Variants in GAS7 observed in about 807,000 individuals in gnomAD.
GAS7 encodes the protein growth arrest-specific protein 7.
Under a neutral mutation model 71.1 loss-of-function variants are expected in GAS7, and 28 were observed. That is an observed-to-expected ratio of 0.39 (90% CI 0.29 to 0.54). GAS7 has a LOEUF of 0.54. GAS7 is among the 20% of genes least tolerant of loss of function. The pLI, the probability that GAS7 is intolerant of heterozygous loss-of-function variation, is 0.62. For synonymous variants in GAS7, 258 were observed against 245.8 expected (o/e 1.05, Z -0.46); for missense variants, 436 against 627.8 (o/e 0.69, Z 3.27).
intron 11 of GAS7, among the ~76,000 whole-genome samples, chr17:9,924,468 G>T (rs906749620): frequency 2.6e-5 from 4 of 152,014 alleles, no homozygotes; most frequent in Middle Eastern, 6.8e-3. Context: ...CACTGCACCT[G>T]GCCTATAAGT....
chr17:9,968,493 C>T lies in GAS7; in HGVS notation c.471+1184G>A, dbSNP rs1397338340. ...CATACACTGAGGTTCAAATTCTTTTCCAGAGTTAACTGAACTGAATCGAAG... is the reference window on the plus strand; with the variant it reads ...CATACACTGAGGTTCAAATTCTTTTTCAGAGTTAACTGAACTGAATCGAAG... On this transcript the variant is annotated intron_variant, in intron 4 of 13. Coordinates refer to ENST00000432992, the MANE Select transcript of GAS7 (RefSeq NM_201433.2). 2.6e-5 allele frequency among the ~76,000 whole-genome samples: 4 copies of T among 152,308 alleles called. No individual in the cohort carries two copies. In the South Asian group the frequency reaches 8.3e-4, roughly 32 times the overall value.
Position 10,019,511 on chromosome 17 carries a change from C to T in GAS7, c.304+266G>A, listed in dbSNP as rs189601374. ...GAACAGGTTGGGTTTAACACAGATA[C>T]CCAGGGTGGACGTCAGGGTCCAAGG... On this transcript the variant is annotated intron_variant, in intron 2 of 13. Coordinates refer to ENST00000432992, the MANE Select transcript of GAS7 (RefSeq NM_201433.2). Among the ~76,000 whole-genome samples the T allele has an allele frequency of 1.3e-3, 202 of 152,190 alleles. 2 individuals carry two copies. The highest frequency in any genetic ancestry group is 4.7e-3 in the African/African-American group (195 of 41,516).
intron 1 of GAS7, among the ~76,000 whole-genome samples, chr17:10,189,084 G>T (rs942563735): frequency 1.3e-5 from 2 of 152,006 alleles, no homozygotes; most frequent in Non-Finnish European, 2.9e-5. Context: ...ATTTGTATTT[G>T]CCTTTTACCT....
At chr17:9,984,466 T>C (rs2070558388) in intron 2 of GAS7, among the ~76,000 whole-genome samples, 3 of 152,066 alleles carry the variant, frequency 2.0e-5, no homozygotes, top group South Asian at 2.1e-4. Context: ...GGTGTGAACA[T>C]AAACCAGACA....
At chr17:9,980,647 T>G (rs1461119816) in intron 3 of GAS7, among the ~76,000 whole-genome samples, 3 of 152,088 alleles carry the variant, frequency 2.0e-5, no homozygotes, top group African/African-American at 7.2e-5. Context: ...GAGACATTGG[T>G]GAATTAGTTC....
At chr17:10,020,912 CAAAACAAACAAACAAAAATATA>C (rs1243660717) in intron 1 of GAS7, among the ~76,000 whole-genome samples, 3 of 152,020 alleles carry the variant, frequency 2.0e-5, no homozygotes, top group Non-Finnish European at 2.9e-5. Flanking sequence ...GAGTCCATCT[CAAAACAAACAAACAAAAATATA>C]AAAACAAACA....
At position 10,034,539 on chromosome 17, in the gene GAS7, C is replaced by A. The variant is rs2072700975; in HGVS notation, c.184-14642G>T. Among the ~76,000 whole-genome samples the A allele has an allele frequency of 6.6e-6, 1 of 152,108 alleles. No individual in the cohort carries two copies. Among genetic ancestry groups the A allele is most frequent in the South Asian group, 2.1e-4 (1 of 4,824 alleles). On this transcript the variant is annotated intron_variant, in intron 1 of 13. Coordinates refer to ENST00000432992, the MANE Select transcript of GAS7 (RefSeq NM_201433.2). This position sits in a 1 kb window ranked among gnomAD's most constrained non-coding sequence, Gnocchi z 4.4. ...GACCAGGCTGGCCTTGAACTCCTGA[C>A]CTCAGGTGATCTGCCCACCTCGGCC...
chr17:9,976,477 C>A (rs940772239), intron 3 of GAS7, among the ~76,000 whole-genome samples: 1 of 152,222 alleles, frequency 6.6e-6, no homozygotes, highest in Non-Finnish European at 1.5e-5. Context: ...GCTTCCTGAT[C>A]TGGAGAAGAA....
intron 4 of GAS7, among the ~76,000 whole-genome samples, chr17:9,964,833 G>A (rs1041999314): frequency 4.6e-5 from 7 of 152,146 alleles, no homozygotes; most frequent in African/African-American, 1.4e-4. Flanking sequence ...GACCGAAATT[G>A]CTCAATAAGA....
In GAS7 at chr17:9,977,450, CA is replaced by C. The variant is rs2070249376; in HGVS notation, c.385+4353del. 2.0e-5 allele frequency among the ~76,000 whole-genome samples: 3 copies of C among 152,204 alleles called. No homozygotes were observed. The South Asian group carries it at 6.2e-4, about 32-fold the overall frequency. ...CTTTGCCTGTTACTATTTCTCTCTACAAATCAGTATTTCCACACTGCACGTT... is the reference window on the plus strand; with the variant it reads ...CTTTGCCTGTTACTATTTCTCTCTACAATCAGTATTTCCACACTGCACGTT... On this transcript the variant is annotated intron_variant, in intron 3 of 13. Transcript: ENST00000432992.
chr17:10,110,579 T>C (rs2073802210), intron 1 of GAS7, among the ~76,000 whole-genome samples: 1 of 152,116 alleles, frequency 6.6e-6, no homozygotes, highest in Non-Finnish European at 1.5e-5. Context: ...AATTCTCCTG[T>C]CTAAGCCTCA....
chr17:9,925,907 G>A (rs2067985176), intron 10 of GAS7, among the ~76,000 whole-genome samples: 1 of 152,130 alleles, frequency 6.6e-6, no homozygotes, highest in African/African-American at 2.4e-5. Context: ...TAAAGTCACA[G>A]CCCCTCTGCT....
At chr17:10,022,129 C>A (rs866223007) in intron 1 of GAS7, among the ~76,000 whole-genome samples, 1 of 152,098 alleles carries the variant, frequency 6.6e-6, no homozygotes, top group Non-Finnish European at 1.5e-5. Flanking sequence ...TGGTGGCATA[C>A]GCCTGTGGTC....
intron 1 of GAS7, among the ~76,000 whole-genome samples, chr17:10,187,701 G>A (rs1265624957): frequency 6.6e-6 from 1 of 152,060 alleles, no homozygotes; most frequent in Non-Finnish European, 1.5e-5. Flanking sequence ...AATTTTGGCT[G>A]TTTCCAAAAA....
At chr17:9,994,901 G>A (rs916738906) in intron 2 of GAS7, among the ~76,000 whole-genome samples, 2 of 152,212 alleles carry the variant, frequency 1.3e-5, no homozygotes, top group Non-Finnish European at 2.9e-5. Flanking sequence ...CTGAGTTAGA[G>A]GGCAGGAAAG....
At chr17:9,967,948 A>T (rs750022017) in intron 4 of GAS7, among the ~76,000 whole-genome samples, 7 of 152,248 alleles carry the variant, frequency 4.6e-5, no homozygotes, top group Non-Finnish European at 8.8e-5. Context: ...TCTTTAAAAT[A>T]GATGAGTAAC....
At chr17:10,098,194 A>G (rs1201555875) in intron 1 of GAS7, among the ~76,000 whole-genome samples, 2 of 152,152 alleles carry the variant, frequency 1.3e-5, no homozygotes, top group Non-Finnish European at 2.9e-5. Context: ...CCCAGAGCAC[A>G]TGGAATAAAG....
rs919416770 is a variant in GAS7, at chr17:10,176,800, T to C, written c.183+21408A>G. Among the ~76,000 whole-genome samples, 8 of 152,144 alleles carry C rather than the reference T, an allele frequency of 5.3e-5. No homozygotes were observed. The East Asian group carries it at 1.6e-3, about 30-fold the overall frequency. On this transcript the variant is annotated intron_variant, in intron 1 of 13. Coordinates refer to ENST00000432992, the MANE Select transcript of GAS7 (RefSeq NM_201433.2). ...CCAGGAGCCAGTGGCCTTCCCTTAA[T>C]AGTCAGCACTCCAAGATGACCTGGC... is the stretch of plus-strand genomic sequence containing the variant.
intron 5 of GAS7, among the ~76,000 whole-genome samples, chr17:9,949,082 G>A (rs1367207852): frequency 2.6e-5 from 4 of 152,040 alleles, no homozygotes; most frequent in Admixed American, 6.5e-5. Context: ...ACAGGAGGGC[G>A]GACAGCGTCA....
Sources: allele counts gnomAD v4.1 joint callset (sites outside exome capture counted in the v4.1 genomes callset), GRCh38; gene constraint gnomAD v4.1.1; non-coding constraint Gnocchi (gnomAD v3.1); transcripts MANE v1.5; gene names NCBI Gene and HGNC (gene_info 2026-07-23, HGNC 2026-07-21).